The following EP400 variants were observed in gnomAD, a reference collection of about 807,000 sequenced individuals.
The protein encoded by EP400 is E1A binding protein p400, also known as E1A-binding protein p400.
EP400 carries 105 observed loss-of-function variants against 354.1 expected under a neutral mutation model. The ratio of observed to expected loss-of-function variants is 0.30; its 90% confidence interval spans 0.25 to 0.35. EP400 has a LOEUF of 0.35. EP400 is among the 10% of genes least tolerant of loss of function. EP400 has a pLI of 1.00. For missense variants in EP400, 3,280 were observed against 4,121.0 expected (o/e 0.80, Z 5.59); for synonymous variants, 1,646 against 1,716.9 (o/e 0.96, Z 1.02).
chr12:132,014,150 G>A (rs1378989816), intron 19 of EP400, among the ~76,000 whole-genome samples: 1 of 152,232 alleles, frequency 6.6e-6, no homozygotes, highest in Non-Finnish European at 1.5e-5. Flanking sequence ...CTGTGTAGCT[G>A]CCCACGTGTA....
chr12:131,966,406 T>C lies in EP400; in HGVS notation c.1335+4452T>C, dbSNP rs1351223813. Among the ~76,000 whole-genome samples the C allele has an allele frequency of 2.0e-5, 3 of 151,406 alleles. No homozygotes were observed. In the East Asian group the frequency reaches 5.8e-4, roughly 29 times the overall value. On this transcript the variant is annotated intron_variant, in intron 2 of 52. Coordinates refer to ENST00000389561, the MANE Select transcript of EP400 (RefSeq NM_015409.5). ...CAACGTGGTGAAACCCTGTCTCTGC[T>C]AAAATTGCAAAAATCAGCTGGGCAT...
intron 12 of EP400, among the ~76,000 whole-genome samples, chr12:131,995,199 A>G (rs992079408): frequency 1.3e-5 from 2 of 152,162 alleles, no homozygotes; most frequent in African/African-American, 4.8e-5. Flanking sequence ...CCCTGAATGT[A>G]CCGTTCATCT....
intron 45 of EP400, among the ~76,000 whole-genome samples, chr12:132,059,828 A>G (rs1476716410): frequency 1.3e-5 from 2 of 152,066 alleles, no homozygotes; most frequent in African/African-American, 2.4e-5. Context: ...CATTCTGGCT[A>G]ACACGGTGAA....
chr12:132,002,630 C>G (rs1893454718), intron 12 of EP400, among the ~76,000 whole-genome samples: 1 of 152,224 alleles, frequency 6.6e-6, no homozygotes, highest in Non-Finnish European at 1.5e-5. Flanking sequence ...GGCTGAGTGT[C>G]CTCCTGACCT....
Position 131,961,784 on chromosome 12 carries a change from G to A in EP400, c.1165G>A (p.Glu389Lys), listed in dbSNP as rs772259386. The change falls in exon 2 of 53, where the codon GAA (glutamate) becomes AAA (lysine). Residue 389 changes from glutamate (E) to lysine (K), a missense_variant. This residue lies in a region of EP400 where 85 missense variants were observed against 180.3 expected (regional missense o/e 0.47). Transcript: ENST00000389561. ...LKEVFKEYLI[E>K]LFFLQHFQGN... Reference sequence around the variant, plus strand: ...GGAGGTCTTCAAGGAGTATTTGATTGAACTGTTTTTCTTGCAACACTTTCA... The same window carrying A: ...GGAGGTCTTCAAGGAGTATTTGATTAAACTGTTTTTCTTGCAACACTTTCA... The A allele has an allele frequency of 6.2e-7, 1 of 1,614,218 alleles. No individual in the cohort carries two copies.
In EP400 at chr12:131,950,196, G is replaced by T. The variant is rs1005156654; in HGVS notation, c.-36+160G>T. On this transcript the variant is annotated intron_variant, in intron 1 of 52. Transcript: ENST00000389561. ...CCAGGCCGTGGCGGCTGTCGTGAGCGACCCCGGGCGGGCGACCGGGCTGAG... is the reference window on the plus strand; with the variant it reads ...CCAGGCCGTGGCGGCTGTCGTGAGCTACCCCGGGCGGGCGACCGGGCTGAG... 2.6e-5 allele frequency among the ~76,000 whole-genome samples: 4 copies of T among 151,910 alleles called. No individual in the cohort carries two copies. The East Asian group carries it at 7.7e-4, about 29-fold the overall frequency.
chr12:132,077,118 A>G (rs1471941127), intron 52 of EP400, among the ~76,000 whole-genome samples: 1 of 152,250 alleles, frequency 6.6e-6, no homozygotes, highest in Non-Finnish European at 1.5e-5. Context: ...ACCAAACTCT[A>G]TTAAAAGCTT....
rs137933037 is a variant in EP400 at position 132,044,323 on chromosome 12, G to A, written c.6585+12G>A. 5,198 of 1,608,918 alleles carry A rather than the reference G, an allele frequency of 3.2e-3. 18 individuals carry two copies. Among genetic ancestry groups the A allele is most frequent in the Non-Finnish European group, 3.6e-3 (4,201 of 1,176,612 alleles). ...ATGCCTACAGCATGGTACCCGGCCC[G>A]GGGCCCTCCTGCCCTCTTGCCCCCC... On this transcript the variant is annotated intron_variant, in intron 35 of 52. Transcript: ENST00000389561.
At chr12:131,960,448 T>C (rs1390250861) in intron 1 of EP400, 137 bp from the exon 2 acceptor site, 2 of 892,470 alleles carry the variant, frequency 2.2e-6, no homozygotes, top group East Asian at 2.7e-5. Flanking sequence ...CTGTGCCATA[T>C]TGAATGTGAG....
Position 132,062,829 on chromosome 12 carries a change from T to C in EP400, c.8334+128T>C, listed in dbSNP as rs568633390. 7.7e-6 allele frequency: 9 copies of C among 1,169,250 alleles called. No individual in the cohort carries two copies. In the Admixed American group the frequency reaches 1.3e-4, roughly 16 times the overall value. The allele number at this position is 1,169,250 out of a possible 1,614,324, so 72.4% of individuals were successfully genotyped here. On this transcript the variant is annotated intron_variant, in intron 47 of 52. Transcript: ENST00000389561. ...TTGCAAACGTCTAGCACTGCCTTTA[T>C]GTAGGACGCGTGCTTCGTTTTATTG...
rs940955889 is a variant in EP400 at position 132,055,358 on chromosome 12, G to A, written c.7884+150G>A. On this transcript the variant is annotated intron_variant, in intron 45 of 52. Transcript: ENST00000389561. ...CATAAAATAAGTAGCTGATCAGTAT[G>A]TTGATTTCAGAAACATTCAGCTGTT... 4.2e-6 allele frequency: 3 copies of A among 711,408 alleles called. No homozygotes were observed. The African/African-American group carries it at 5.4e-5, about 13-fold the overall frequency. 44.1% of individuals were successfully genotyped at this position (711,408 alleles called of 1,614,324 possible).
chr12:132,061,270 A>G (rs1006856945), intron 45 of EP400, among the ~76,000 whole-genome samples: 13 of 152,250 alleles, frequency 8.5e-5, no homozygotes, highest in African/African-American at 3.1e-4. Context: ...GTTGCTCCCA[A>G]CTGTGGCAGG....
At chr12:132,055,489 G>A (rs1895459241) in intron 45 of EP400, among the ~76,000 whole-genome samples, 5 of 146,862 alleles carry the variant, frequency 3.4e-5, no homozygotes, top group Admixed American at 3.4e-4. Context: ...GTAGGGGTGT[G>A]TGTGAGGTGT....
At chr12:132,042,952 G>A (rs958205721) in intron 32 of EP400, among the ~76,000 whole-genome samples, 3 of 152,202 alleles carry the variant, frequency 2.0e-5, no homozygotes, top group Admixed American at 1.3e-4. Flanking sequence ...GGTGTGCATC[G>A]GGTCTGAGAT....
Position 132,044,883 on chromosome 12 carries a change from C to G in EP400, c.6714C>G (p.Pro2238=), listed in dbSNP as rs997423321. Residue 2238 remains proline (P), a synonymous_variant, in exon 37 of 53, where the codon CCC becomes CCG. Transcript: ENST00000389561. ...SVMCLMYEAT[P]IPEAKLPPVY... is the part of the protein sequence containing the mutation. ...TGTGTCTCATGTATGAAGCCACTCCCATCCCAGAGGCTAAGCTGCCCCCTG... is the reference window on the plus strand; with the variant it reads ...TGTGTCTCATGTATGAAGCCACTCCGATCCCAGAGGCTAAGCTGCCCCCTG... 1 of 1,614,214 alleles carries G rather than the reference C, an allele frequency of 6.2e-7. No individual in the cohort carries two copies. The highest frequency in any genetic ancestry group is 8.5e-7 in the Non-Finnish European group (1 of 1,180,032).
chr12:132,036,269 G>A (rs1051030816), intron 30 of EP400, among the ~76,000 whole-genome samples: 1 of 148,654 alleles, frequency 6.7e-6, no homozygotes. Context: ...AACGTCGTGG[G>A]AAGGACACAC....
At chr12:132,055,485 G>T (rs1044229516) in intron 45 of EP400, among the ~76,000 whole-genome samples, 14 of 145,328 alleles carry the variant, frequency 9.6e-5, no homozygotes, top group Admixed American at 5.5e-4. Flanking sequence ...AGGTGTAGGG[G>T]TGTGTGTGAG....
At chr12:132,069,705 G>A (rs1000806707) in intron 51 of EP400, 64 bp downstream of exon 51, 98 of 1,593,290 alleles carry the variant, frequency 6.2e-5, no homozygotes, top group Non-Finnish European at 7.7e-5. Context: ...TGGATTGTGT[G>A]TCTCGCGGGC....
Position 132,052,898 on chromosome 12 carries a change from G to A in EP400, c.7395-248G>A, listed in dbSNP as rs1293912052. On this transcript the variant is annotated intron_variant, in intron 41 of 52. Transcript: ENST00000389561. The surrounding 1 kb of genome is among the most constrained non-coding windows in gnomAD (Gnocchi z 4.4). Reference sequence around the variant, plus strand: ...GGGCTGCCACAAGTACGCTGGGGACGTGTTCGGAGATACTTTTCCTGGAGA... The same window carrying A: ...GGGCTGCCACAAGTACGCTGGGGACATGTTCGGAGATACTTTTCCTGGAGA... 1.3e-5 allele frequency among the ~76,000 whole-genome samples: 2 copies of A among 152,240 alleles called. No homozygotes were observed. The highest frequency in any genetic ancestry group is 2.4e-5 in the African/African-American group (1 of 41,556).
Sources: gnomAD v4.1 joint callset for allele counts (sites outside exome capture counted in the v4.1 genomes callset) on GRCh38, gnomAD v4.1.1 for gene constraint, gnomAD v4.1.1 regional missense constraint, Gnocchi (gnomAD v3.1) non-coding constraint, MANE v1.5 for transcripts, NCBI Gene and HGNC (gene_info 2026-07-23, HGNC 2026-07-21) for gene names.